Variants in RBFOX1 observed in about 807,000 individuals in gnomAD.
The protein encoded by RBFOX1 is RNA binding protein fox-1 homolog 1.
Under a neutral mutation model 57.7 loss-of-function variants are expected in RBFOX1, and 8 were observed. That is an observed-to-expected ratio of 0.14 (90% confidence interval 0.08 to 0.25). The LOEUF is 0.25. RBFOX1 is among the 10% of genes least tolerant of loss of function. The pLI, the probability that RBFOX1 is intolerant of heterozygous loss-of-function variation, is 1.00. For synonymous variants in RBFOX1, 326 were observed against 222.4 expected (o/e 1.47, Z -4.15); for missense variants, 611 against 548.5 (o/e 1.11, Z -1.14).
At chr16:6,154,547 G>C (rs927521222) in intron 1 of RBFOX1, among the ~76,000 whole-genome samples, 1 of 152,138 alleles carries the variant, frequency 6.6e-6, no homozygotes, top group Non-Finnish European at 1.5e-5. Flanking sequence ...GGGAGCCAGC[G>C]GTGATGAGGA....
chr16:7,033,169 A>G (rs2043253606), intron 3 of RBFOX1, among the ~76,000 whole-genome samples: 1 of 152,162 alleles, frequency 6.6e-6, no homozygotes, highest in South Asian at 2.1e-4. Context: ...CGAGGCGGTA[A>G]AGGTGTTGAT....
intron 4 of RBFOX1, among the ~76,000 whole-genome samples, chr16:7,390,265 C>CA (rs550855164): frequency 6.6e-6 from 1 of 152,244 alleles, no homozygotes; most frequent in East Asian, 1.9e-4. Context: ...TGGGGAGGGA[C>CA]ACACAGCCAA....
chr16:6,107,773 A>G (rs902414284), intron 1 of RBFOX1, among the ~76,000 whole-genome samples: 14 of 151,578 alleles, frequency 9.2e-5, no homozygotes, highest in African/African-American at 3.4e-4. Flanking sequence ...GGGTGGGTGG[A>G]TGGATGGATG....
At chr16:6,914,649 G>A (rs1431483391) in intron 3 of RBFOX1, among the ~76,000 whole-genome samples, 3 of 152,100 alleles carry the variant, frequency 2.0e-5, no homozygotes, top group African/African-American at 7.2e-5. Context: ...TGAGGCAGGA[G>A]GATTGCTTGA....
intron 4 of RBFOX1, among the ~76,000 whole-genome samples, chr16:7,371,462 A>G (rs1251217265): frequency 1.3e-5 from 2 of 152,218 alleles, no homozygotes; most frequent in South Asian, 2.1e-4. Flanking sequence ...AGATATGCAC[A>G]TATATGGCCA....
chr16:6,095,478 A>G (rs940599481), intron 1 of RBFOX1, among the ~76,000 whole-genome samples: 1 of 151,556 alleles, frequency 6.6e-6, no homozygotes, highest in African/African-American at 2.4e-5. Flanking sequence ...TCTTCTTTTC[A>G]CTCTTTCTCT....
rs987061883 is a variant in RBFOX1, at chr16:6,019,468, G to A, written c.-651G>A. 2.0e-5 allele frequency: 20 copies of A among 997,548 alleles called. No individual in the cohort carries two copies. The highest frequency in any genetic ancestry group is 1.0e-4 in the African/African-American group (6 of 57,732). The allele number at this position is 997,548 out of a possible 1,614,324, so 61.8% of individuals were successfully genotyped here. ...GTGGGGAAACCCGAACTCGCGGAGG[G>A]GAATCCCTCCCCCTCCGCCCCAGCC... On this transcript the variant is annotated 5_prime_UTR_variant, in exon 1 of 16. Transcript: ENST00000550418. This position sits in a 1 kb window ranked among gnomAD's most constrained non-coding sequence, Gnocchi z 4.2.
intron 3 of RBFOX1, among the ~76,000 whole-genome samples, chr16:5,861,725 T>A (rs955962812): frequency 1.3e-5 from 2 of 152,350 alleles, no homozygotes; most frequent in Admixed American, 1.3e-4. Context: ...GCTATTGGAA[T>A]TCACCTGATC....
intron 3 of RBFOX1, among the ~76,000 whole-genome samples, chr16:5,677,685 G>C (rs1476577763): frequency 6.6e-6 from 1 of 152,216 alleles, no homozygotes; most frequent in Non-Finnish European, 1.5e-5. Context: ...GCTTGTTATA[G>C]GGTCCTTCTA....
intron 4 of RBFOX1, among the ~76,000 whole-genome samples, chr16:5,868,312 G>T (rs1322089970): frequency 2.1e-5 from 3 of 144,654 alleles, no homozygotes; most frequent in African/African-American, 8.7e-5. Flanking sequence ...AGCATGTGGA[G>T]GTATTTATAT....
At chr16:7,631,069 T>C (rs2060873698) in intron 11 of RBFOX1, among the ~76,000 whole-genome samples, 2 of 152,296 alleles carry the variant, frequency 1.3e-5, no homozygotes, top group African/African-American at 4.8e-5. Flanking sequence ...TTAACCAGGA[T>C]TCTTGTACAC....
In RBFOX1 at chr16:5,471,546, G is replaced by T. The variant is rs149149476; in HGVS notation, c.258+4292G>T. Among the ~76,000 whole-genome samples the T allele has an allele frequency of 5.5e-3, 835 of 152,180 alleles. 5 individuals are homozygous for T. The highest frequency in any genetic ancestry group is 0.019 in the African/African-American group (787 of 41,532). ...GGGAAGGAGAAGAAAATGATAAAAG[G>T]TGGCATGGGCATGTAGGTGCCCACC... On this transcript the variant is annotated intron_variant, in intron 2 of 2. Transcript: ENST00000585867.
At chr16:5,491,687 G>T (rs1443076217) in intron 2 of RBFOX1, among the ~76,000 whole-genome samples, 1 of 152,208 alleles carries the variant, frequency 6.6e-6, no homozygotes, top group Non-Finnish European at 1.5e-5. Flanking sequence ...CCATGAGCTA[G>T]ACTTTGCATT....
At chr16:7,676,867 A>C in intron 14 of RBFOX1, 29 bp downstream of exon 14, 2 of 1,578,630 alleles carry the variant, frequency 1.3e-6, no homozygotes, top group Non-Finnish European at 1.7e-6. Context: ...GTGCTTGACA[A>C]CTACTTGTAA....
At chr16:7,440,473 T>C (rs1022149778) in intron 4 of RBFOX1, among the ~76,000 whole-genome samples, 7 of 152,136 alleles carry the variant, frequency 4.6e-5, no homozygotes, top group African/African-American at 1.7e-4. Context: ...GGGTATGGCT[T>C]ATGAAGGCAC....
intron 2 of RBFOX1, among the ~76,000 whole-genome samples, chr16:6,595,131 A>C (rs1468342411): frequency 6.6e-6 from 1 of 152,088 alleles, no homozygotes; most frequent in African/African-American, 2.4e-5. Flanking sequence ...AATCATCAAC[A>C]CACCATCAGC....
chr16:6,707,447 C>G (rs930610813), intron 3 of RBFOX1, among the ~76,000 whole-genome samples: 1 of 148,746 alleles, frequency 6.7e-6, no homozygotes, highest in African/African-American at 2.5e-5. Flanking sequence ...TGGGAAAATG[C>G]TAGTGAATAT....
chr16:5,530,925 TAAAAATATAAAAAAAAAA>T (rs2044442523), intron 2 of RBFOX1, among the ~76,000 whole-genome samples: 1 of 49,314 alleles, frequency 2.0e-5, no homozygotes, highest in African/African-American at 7.1e-5. Flanking sequence ...CTGTCTCTAC[TAAAAATATAAAAAAAAAA>T]AAAAAAAAAA....
At chr16:6,933,768 G>T (rs558251557) in intron 3 of RBFOX1, among the ~76,000 whole-genome samples, 44 of 152,164 alleles carry the variant, frequency 2.9e-4, no homozygotes, top group Non-Finnish European at 5.1e-4. Context: ...AAGAAGTATG[G>T]TCAGAACATT....
Sources: gnomAD v4.1 joint callset for allele counts (sites outside exome capture counted in the v4.1 genomes callset) on GRCh38, gnomAD v4.1.1 for gene constraint, Gnocchi (gnomAD v3.1) non-coding constraint, MANE v1.5 for transcripts, NCBI Gene and HGNC (gene_info 2026-07-23, HGNC 2026-07-21) for gene names.